Variants in CTNNA3 observed in about 807,000 individuals in gnomAD.
CTNNA3 encodes catenin alpha-3.
CTNNA3 carries 76 observed loss-of-function variants against 95.7 expected under a neutral mutation model. The observed-to-expected ratio is 0.79, with a 90% CI of 0.66 to 0.96. The LOEUF is 0.96. Among genes scored for constraint, CTNNA3 ranks in the 40% least tolerant of loss-of-function variants. The pLI, the probability that CTNNA3 is intolerant of heterozygous loss-of-function variation, is 0.00. For synonymous variants in CTNNA3, 431 were observed against 374.4 expected (o/e 1.15, Z -1.74); for missense variants, 1,191 against 1,089.8 (o/e 1.09, Z -1.31).
intron 11 of CTNNA3, among the ~76,000 whole-genome samples, chr10:66,403,202 G>GT (rs2093033159): frequency 1.3e-5 from 2 of 152,218 alleles, no homozygotes; most frequent in East Asian, 3.9e-4. Flanking sequence ...AAGCCATCAA[G>GT]GAGATCAGGA....
chr10:66,798,861 C>A (rs996614644), intron 7 of CTNNA3, among the ~76,000 whole-genome samples: 2 of 151,614 alleles, frequency 1.3e-5, no homozygotes, highest in African/African-American at 4.8e-5. Flanking sequence ...TAGACAACTA[C>A]AATTTTTCTA....
intron 7 of CTNNA3, among the ~76,000 whole-genome samples, chr10:66,993,071 G>A (rs1851128381): frequency 6.6e-6 from 1 of 152,072 alleles, no homozygotes; most frequent in African/African-American, 2.4e-5. Flanking sequence ...CGTTTCCCAT[G>A]GTATCAGCCC....
At chr10:66,044,585 T>C (rs2079786144) in intron 15 of CTNNA3, among the ~76,000 whole-genome samples, 1 of 152,122 alleles carries the variant, frequency 6.6e-6, no homozygotes, top group Admixed American at 6.6e-5. Context: ...TTCTATGCTG[T>C]TTTTTTGGCC....
intron 12 of CTNNA3, among the ~76,000 whole-genome samples, chr10:66,329,533 T>C (rs553962284): frequency 6.6e-6 from 1 of 151,624 alleles, no homozygotes; most frequent in Admixed American, 6.6e-5. Flanking sequence ...TACACCAGTC[T>C]TCAGCTCTGT....
chr10:66,684,957 G>GA (rs1021387386), intron 9 of CTNNA3, among the ~76,000 whole-genome samples: 1 of 150,186 alleles, frequency 6.7e-6, no homozygotes, highest in African/African-American at 2.4e-5. Context: ...AAAAATAAGT[G>GA]AAAAAAAACT....
intron 11 of CTNNA3, among the ~76,000 whole-genome samples, chr10:66,508,211 T>TTTTTTTTTTTTTTTTTTTG (rs1491247894): frequency 1.1e-5 from 1 of 91,178 alleles, no homozygotes; most frequent in African/African-American, 5.9e-5. Context: ...TTGTTTTCTG[T>TTTTTTTTTTTTTTTTTTTG]TTTTTTTTTT....
At chr10:66,902,153 T>G (rs1486269379) in intron 7 of CTNNA3, among the ~76,000 whole-genome samples, 4 of 152,080 alleles carry the variant, frequency 2.6e-5, no homozygotes, top group Admixed American at 6.6e-5. Context: ...TCAGCAAATG[T>G]AAAAGAACAG....
chr10:67,456,247 T>G (rs1218816117), intron 5 of CTNNA3, among the ~76,000 whole-genome samples: 1 of 152,176 alleles, frequency 6.6e-6, no homozygotes, highest in Non-Finnish European at 1.5e-5. Flanking sequence ...GAGGCTCTTA[T>G]CTCAATTCTT....
chr10:66,447,357 G>A (rs755396019), intron 11 of CTNNA3, among the ~76,000 whole-genome samples: 9 of 144,426 alleles, frequency 6.2e-5, no homozygotes, highest in East Asian at 4.1e-4. Context: ...AAAAGAGCCC[G>A]CATCGCCAAG....
rs147510972 is a variant in CTNNA3, at chr10:67,733,543, C to T, written c.-2+29891G>A. Reference sequence around the variant, plus strand: ...TGGTGGTATGCAAGCTATCCTATTGCTTAAAGCAAATCACTTCTGGCCCTA... The same window carrying T: ...TGGTGGTATGCAAGCTATCCTATTGTTTAAAGCAAATCACTTCTGGCCCTA... On this transcript the variant is annotated intron_variant, in intron 1 of 17. Coordinates refer to the CTNNA3 transcript ENST00000684154. Among the ~76,000 whole-genome samples the T allele has an allele frequency of 6.0e-4, 91 of 152,290 alleles. 2 individuals are homozygous for T. The highest frequency in any genetic ancestry group is 2.1e-3 in the African/African-American group (87 of 41,554).
At chr10:66,190,959 T>A (rs2086635100) in intron 13 of CTNNA3, among the ~76,000 whole-genome samples, 1 of 152,160 alleles carries the variant, frequency 6.6e-6, no homozygotes, top group South Asian at 2.1e-4. Context: ...CTGGGAATTG[T>A]ATGCCTGAGG....
intron 5 of CTNNA3, among the ~76,000 whole-genome samples, chr10:67,277,981 C>A (rs1429450562): frequency 6.6e-6 from 1 of 152,126 alleles, no homozygotes; most frequent in Non-Finnish European, 1.5e-5. Context: ...TGCTGCCCTG[C>A]CTATGGACTG....
chr10:66,415,143 G>T (rs1323060575), intron 11 of CTNNA3, among the ~76,000 whole-genome samples: 4 of 152,146 alleles, frequency 2.6e-5, no homozygotes, highest in Admixed American at 2.6e-4. Flanking sequence ...CCCCGCTCCT[G>T]ACTACCATGG....
intron 13 of CTNNA3, among the ~76,000 whole-genome samples, chr10:66,199,805 A>ATATATTTTT (rs1564756586): frequency 7.0e-5 from 1 of 14,286 alleles, no homozygotes; most frequent in African/African-American, 3.9e-4. Context: ...ATATATATAT[A>ATATATTTTT]TTTTTTTTTT....
At chr10:67,526,758 TA>T (rs1403922648) in intron 4 of CTNNA3, among the ~76,000 whole-genome samples, 4 of 152,236 alleles carry the variant, frequency 2.6e-5, no homozygotes, top group Non-Finnish European at 4.4e-5. Context: ...TACTGCTTTA[TA>T]AACTTAAAAG....
intron 10 of CTNNA3, among the ~76,000 whole-genome samples, chr10:66,613,021 T>C (rs370600098): frequency 9.9e-5 from 15 of 152,066 alleles, no homozygotes; most frequent in African/African-American, 3.6e-4. Flanking sequence ...TAGAAGAACA[T>C]TGTACAGGCC....
intron 13 of CTNNA3, among the ~76,000 whole-genome samples, chr10:66,134,118 C>T (rs752882660): frequency 5.3e-5 from 8 of 151,916 alleles, no homozygotes; most frequent in Non-Finnish European, 8.8e-5. Flanking sequence ...ACATGCAACT[C>T]CGATAAAAAG....
intron 13 of CTNNA3, among the ~76,000 whole-genome samples, chr10:66,217,735 G>A (rs547513256): frequency 6.6e-6 from 1 of 152,244 alleles, no homozygotes; most frequent in East Asian, 1.9e-4. Context: ...CCCCCAAAAG[G>A]ATTAATGTTT....
intron 7 of CTNNA3, among the ~76,000 whole-genome samples, chr10:67,130,206 T>A (rs530410843): frequency 6.6e-6 from 1 of 152,054 alleles, no homozygotes; most frequent in Admixed American, 6.6e-5. Context: ...AAGAGTGCCA[T>A]CTTTCTAAAA....
Sources: gnomAD v4.1 joint callset for allele counts (sites outside exome capture counted in the v4.1 genomes callset) on GRCh38, gnomAD v4.1.1 for gene constraint, MANE v1.5 for transcripts, NCBI Gene and HGNC (gene_info 2026-07-23, HGNC 2026-07-21) for gene names.